Variants in KCNIP4 observed in about 807,000 individuals in gnomAD.
The protein encoded by KCNIP4 is Kv channel-interacting protein 4.
KCNIP4 carries 12 observed loss-of-function variants against 34.0 expected under a neutral mutation model. The observed-to-expected ratio is 0.35, with a 90% CI of 0.23 to 0.57. The LOEUF (loss-of-function observed/expected upper bound fraction) is 0.57. KCNIP4 is among the 20% of genes least tolerant of loss of function. The pLI is 0.83. For synonymous variants in KCNIP4, 124 were observed against 102.2 expected, an observed-to-expected ratio of 1.21 and a Z score of -1.29; for missense variants, 238 against 311.7, an observed-to-expected ratio of 0.76 and a Z score of 1.78.
At chr4:21,427,707 G>A (rs909779330) in intron 1 of KCNIP4, among the ~76,000 whole-genome samples, 1 of 152,166 alleles carries the variant, frequency 6.6e-6, no homozygotes, top group African/African-American at 2.4e-5. Flanking sequence ...TACAGTAGAA[G>A]GAGTGAGTAG....
intron 1 of KCNIP4, among the ~76,000 whole-genome samples, chr4:21,607,042 T>A (rs7689265): frequency 0.69 from 103,409 of 150,528 alleles, 35,814 homozygotes; most frequent in East Asian, 0.89. Flanking sequence ...TTTTTTTTTT[T>A]ATAATGTAGC....
At chr4:21,879,193 C>T (rs551965167) in intron 1 of KCNIP4, among the ~76,000 whole-genome samples, 52 of 152,136 alleles carry the variant, frequency 3.4e-4, no homozygotes, top group African/African-American at 1.2e-3. Flanking sequence ...AAATTGCACA[C>T]CCTCAAGGAA....
chr4:21,496,840 T>A (rs1475523461), intron 1 of KCNIP4, among the ~76,000 whole-genome samples: 1 of 152,158 alleles, frequency 6.6e-6, no homozygotes. Flanking sequence ...CTTATAAGAA[T>A]CTAATGCCTG....
intron 1 of KCNIP4, among the ~76,000 whole-genome samples, chr4:21,662,957 G>T (rs1436028830): frequency 1.3e-5 from 2 of 152,232 alleles, no homozygotes; most frequent in East Asian, 3.9e-4. Context: ...ATACAAAAAA[G>T]AAGAAACTAT....
chr4:20,943,086 C>A (rs951436456), intron 1 of KCNIP4, among the ~76,000 whole-genome samples: 1 of 151,894 alleles, frequency 6.6e-6, no homozygotes, highest in African/African-American at 2.4e-5. Flanking sequence ...AAGGAAATCC[C>A]AGAGTACAGC....
intron 3 of KCNIP4, chr4:20,766,991 A>G (rs950060604): frequency 1.3e-5 from 2 of 152,198 alleles, no homozygotes; most frequent in East Asian, 3.9e-4. Flanking sequence ...AATGAATAAG[A>G]TACACATATT....
chr4:21,120,993 G>A (rs1324301669), intron 1 of KCNIP4, among the ~76,000 whole-genome samples: 1 of 152,228 alleles, frequency 6.6e-6, no homozygotes, highest in East Asian at 1.9e-4. Context: ...GAATTCTGTA[G>A]AAAAGGAAGC....
chr4:21,765,420 G>A lies in KCNIP4; in HGVS notation c.61+183151C>T, dbSNP rs184674731. Among the ~76,000 whole-genome samples the A allele has an allele frequency of 7.9e-5, 12 of 152,114 alleles. No homozygotes were observed. The East Asian group carries it at 1.2e-3, about 15-fold the overall frequency. ...TGTGTGAGCGTGTGTAACTGTGTGC[G>A]CATGTGTCCATGTTGCTTAACAAAA... On this transcript the variant is annotated intron_variant, in intron 1 of 8. Transcript: ENST00000382152.
chr4:21,547,172 C>T (rs1480352729), intron 1 of KCNIP4, among the ~76,000 whole-genome samples: 1 of 151,978 alleles, frequency 6.6e-6, no homozygotes, highest in Non-Finnish European at 1.5e-5. Flanking sequence ...CAGCAGAACC[C>T]AGTCTAGATC....
At chr4:21,917,811 C>T (rs532499654) in intron 1 of KCNIP4, among the ~76,000 whole-genome samples, 1 of 152,276 alleles carries the variant, frequency 6.6e-6, no homozygotes, top group East Asian at 1.9e-4. Flanking sequence ...GTTGCAATTA[C>T]AAGACGAATG....
At chr4:21,613,455 C>T (rs1049150193) in intron 1 of KCNIP4, 7 of 152,168 alleles carry the variant, frequency 4.6e-5, no homozygotes, top group African/African-American at 1.7e-4. Context: ...CTACCTTGAT[C>T]ATGAATGCAG....
intron 1 of KCNIP4, among the ~76,000 whole-genome samples, chr4:21,800,812 C>T (rs922199239): frequency 6.6e-6 from 1 of 152,088 alleles, no homozygotes; most frequent in Admixed American, 6.6e-5. Flanking sequence ...AATATACTGC[C>T]AAACATAGCA....
intron 2 of KCNIP4, among the ~76,000 whole-genome samples, chr4:20,859,938 T>C (rs1006315683): frequency 1.3e-5 from 2 of 152,180 alleles, no homozygotes; most frequent in African/African-American, 4.8e-5. Context: ...TGTGCAGAGA[T>C]GAGTCCTTGC....
At chr4:21,591,895 G>A (rs533583433) in intron 1 of KCNIP4, among the ~76,000 whole-genome samples, 1 of 152,132 alleles carries the variant, frequency 6.6e-6, no homozygotes, top group African/African-American at 2.4e-5. Flanking sequence ...TGAAGAAAAG[G>A]AATTAACAGA....
intron 1 of KCNIP4, among the ~76,000 whole-genome samples, chr4:21,611,149 C>T (rs966319419): frequency 1.8e-4 from 28 of 152,180 alleles, no homozygotes; most frequent in African/African-American, 4.3e-4. Context: ...GACATGAACT[C>T]ATCCTTTTTT....
intron 1 of KCNIP4, among the ~76,000 whole-genome samples, chr4:20,938,796 C>T (rs1472648534): frequency 6.6e-6 from 1 of 152,206 alleles, no homozygotes; most frequent in Non-Finnish European, 1.5e-5. Flanking sequence ...TTTACTGACA[C>T]ATGGCTTAGT....
chr4:21,003,005 C>T (rs1178936328), intron 1 of KCNIP4, among the ~76,000 whole-genome samples: 1 of 152,084 alleles, frequency 6.6e-6, no homozygotes, highest in African/African-American at 2.4e-5. Context: ...TTTCTGACTG[C>T]TCTTATTTTT....
At chr4:21,573,122 T>C (rs1740482482) in intron 1 of KCNIP4, among the ~76,000 whole-genome samples, 7 of 152,118 alleles carry the variant, frequency 4.6e-5, no homozygotes. Context: ...TGGTAAACAG[T>C]GGGAATGGTC....
At chr4:20,776,357 A>C (rs796790037) in intron 3 of KCNIP4, among the ~76,000 whole-genome samples, 5 of 152,240 alleles carry the variant, frequency 3.3e-5, no homozygotes, top group African/African-American at 1.2e-4. Context: ...GCATCCCAGA[A>C]GGAGATTAAT....
Sources: allele counts gnomAD v4.1 joint callset (sites outside exome capture counted in the v4.1 genomes callset), GRCh38; gene constraint gnomAD v4.1.1; transcripts MANE v1.5; gene names NCBI Gene and HGNC (gene_info 2026-07-23, HGNC 2026-07-21).